DHX35: variants seen among roughly 807,000 people sequenced by gnomAD.
The protein encoded by DHX35 is DEAH-box helicase 35.
Under a neutral mutation model 99.6 loss-of-function variants are expected in DHX35, and 84 were observed. The observed-to-expected ratio is 0.84, with a 90% CI of 0.71 to 1.01. The LOEUF (loss-of-function observed/expected upper bound fraction) is 1.01, where lower values mean the gene tolerates loss of function less well. Ranked by LOEUF, DHX35 falls within the 50% of genes least tolerant of loss-of-function variation. The pLI, the probability that DHX35 is intolerant of heterozygous loss-of-function variation, is 0.00. For missense variants in DHX35, 852 were observed against 888.5 expected, an observed-to-expected ratio of 0.96 and a Z score of 0.52; for synonymous variants, 331 against 316.2, an observed-to-expected ratio of 1.05 and a Z score of -0.50.
chr20:39,018,842 A>T lies in DHX35; in HGVS notation c.1441A>T (p.Met481Leu). 1 of 1,614,026 alleles carries T rather than the reference A, an allele frequency of 6.2e-7. No individual in the cohort carries two copies. Among genetic ancestry groups the T allele is most frequent in the South Asian group, 1.1e-5 (1 of 91,080 alleles). ...KDCRLTEPLGMRIAEFPLNPM... is the reference protein window; with the variant it reads ...KDCRLTEPLGLRIAEFPLNPM... The stretch of plus-strand genomic sequence containing the variant: ...CTGTCGCCTAACTGAACCGCTTGGC[A>T]TGAGAATTGCAGAGTTTCCTTTGAA... Residue 481 changes from methionine (M) to leucine (L), a missense_variant, in exon 15 of 22, where the codon ATG becomes TTG. Physicochemically the swap from Met to Leu is conservative, Grantham distance 15. Transcript: ENST00000252011.
chr20:39,037,450 C>T (rs761451552), intron 21 of DHX35, among the ~76,000 whole-genome samples: 13 of 152,144 alleles, frequency 8.5e-5, no homozygotes, highest in South Asian at 2.1e-4. Context: ...CATTTATACC[C>T]GGGTCCTGTT....
chr20:39,004,867 A>C (rs77318179), intron 11 of DHX35, among the ~76,000 whole-genome samples: 21,104 of 152,128 alleles, frequency 0.14, 1,611 homozygotes, highest in East Asian at 0.3. Context: ...ATTTCAGACC[A>C]CCTGGAAGAG....
chr20:38,997,874 C>T (rs539179413), intron 8 of DHX35, among the ~76,000 whole-genome samples: 27 of 152,090 alleles, frequency 1.8e-4, no homozygotes, highest in Non-Finnish European at 3.5e-4. Context: ...GATCTAGAGG[C>T]GTAGGGAAGT....
Position 38,968,977 on chromosome 20 carries a change from G to C in DHX35, c.41-104G>C, listed in dbSNP as rs1315541110. ...ACCTTTGAGTAGTTTGAGATAAAAA[G>C]TATTGCTTCTTCTGTATATCTTCAT... On this transcript the variant is annotated intron_variant, in intron 1 of 21. Transcript: ENST00000252011. The C allele has an allele frequency of 2.3e-6, 3 of 1,307,844 alleles. No homozygotes were observed. The African/African-American group carries it at 4.5e-5, about 19-fold the overall frequency. The allele number at this position is 1,307,844 out of a possible 1,614,324, so 81.0% of individuals were successfully genotyped here.
chr20:38,994,588 GA>G (rs2086395010), intron 7 of DHX35, among the ~76,000 whole-genome samples: 1 of 148,230 alleles, frequency 6.7e-6, no homozygotes, highest in South Asian at 2.1e-4. Context: ...ATTTACTTTG[GA>G]AAATTGCATA....
rs772640350 is a variant in DHX35 at position 39,018,833 on chromosome 20, C to G, written c.1432C>G (p.Pro478Ala). 1.0e-4 allele frequency: 162 copies of G among 1,613,838 alleles called. No homozygotes were observed. Among genetic ancestry groups the G allele is most frequent in the Non-Finnish European group, 1.3e-4 (156 of 1,179,920 alleles). Residue 478 changes from proline (P) to alanine (A), a missense_variant, in exon 15 of 22, where the codon CCG (proline) becomes GCG (alanine). Physicochemically the swap from Pro to Ala is conservative, Grantham distance 27 (BLOSUM62 -1). Coordinates refer to ENST00000252011, the MANE Select transcript of DHX35 (RefSeq NM_021931.4). The stretch of plus-strand genomic sequence containing the variant: ...GGACAAAGACTGTCGCCTAACTGAA[C>G]CGCTTGGCATGAGAATTGCAGAGTT... ...GLDKDCRLTEPLGMRIAEFPL... is the reference protein window; with the variant it reads ...GLDKDCRLTEALGMRIAEFPL...
intron 2 of DHX35, among the ~76,000 whole-genome samples, chr20:38,972,076 T>C (rs2086009832): frequency 6.9e-6 from 1 of 145,694 alleles, no homozygotes; most frequent in Non-Finnish European, 1.5e-5. Context: ...TGGCATGGTC[T>C]CGCCTCACTG....
chr20:39,006,521 G>C (rs1398541925), intron 12 of DHX35, among the ~76,000 whole-genome samples, 165 bp downstream of exon 12: 1 of 152,110 alleles, frequency 6.6e-6, no homozygotes, highest in Non-Finnish European at 1.5e-5. Flanking sequence ...CTCTAAATAT[G>C]GTGTTTCTTT....
chr20:38,972,652 G>T lies in DHX35; in HGVS notation c.267+1G>T. 6.2e-7 allele frequency: 1 copy of T among 1,603,160 alleles called. No homozygotes were observed. The highest frequency in any genetic ancestry group is 8.5e-7 in the Non-Finnish European group (1 of 1,170,646). On this transcript the variant is annotated splice_donor_variant, in intron 3 of 21. Transcript: ENST00000252011. LOFTEE classifies it high-confidence loss of function. The stretch of plus-strand genomic sequence containing the variant: ...TGGGAAGAGCACACAGATTCCTCAG[G>T]TGAGTACATATTTAATAAGTGTCTT...
chr20:38,978,652 CTGTTGAT>C (rs2086120367), intron 3 of DHX35, among the ~76,000 whole-genome samples: 1 of 152,192 alleles, frequency 6.6e-6, no homozygotes, highest in Non-Finnish European at 1.5e-5. Flanking sequence ...TCTCTTCACT[CTGTTGAT>C]TGTTTTCATT....
At chr20:38,965,248 A>G (rs2145824863) in intron 1 of DHX35, among the ~76,000 whole-genome samples, 1 of 152,354 alleles carries the variant, frequency 6.6e-6, no homozygotes, top group Non-Finnish European at 1.5e-5. Context: ...TTTCATTTAC[A>G]CATCTTATTA....
At chr20:39,036,042 AAGC>A (rs2087145592) in intron 21 of DHX35, among the ~76,000 whole-genome samples, 1 of 152,214 alleles carries the variant, frequency 6.6e-6, no homozygotes, top group Non-Finnish European at 1.5e-5. Context: ...CTCAGGTGGA[AAGC>A]AGCAGACTTC....
chr20:39,005,473 AC>A (rs1215598035), intron 11 of DHX35, among the ~76,000 whole-genome samples: 4 of 152,230 alleles, frequency 2.6e-5, no homozygotes, highest in Admixed American at 2.0e-4. Context: ...TGCCTGGCCA[AC>A]AAAAGTAAAG....
At chr20:38,993,269 C>A (rs1376729478) in intron 7 of DHX35, among the ~76,000 whole-genome samples, 1 of 152,178 alleles carries the variant, frequency 6.6e-6, no homozygotes, top group South Asian at 2.1e-4. Flanking sequence ...CACTAGCCAC[C>A]TGTAGCTATT....
chr20:38,963,782 C>T (rs2085870278), intron 1 of DHX35, among the ~76,000 whole-genome samples: 1 of 152,180 alleles, frequency 6.6e-6, no homozygotes, highest in East Asian at 1.9e-4. Context: ...TACAGATGCT[C>T]AGGGCTCTGC....
Position 39,022,938 on chromosome 20 carries a change from G to T in DHX35, c.1594-752G>T, listed in dbSNP as rs73289340. Among the ~76,000 whole-genome samples, 419 of 152,304 alleles carry T rather than the reference G, an allele frequency of 2.8e-3. 1 individual carries two copies. Among genetic ancestry groups the T allele is most frequent in the African/African-American group, 9.7e-3 (403 of 41,556 alleles). ...AATTAGCAGCCTTATGCATGGAGGG[G>T]CTGAATTTGTATGTGTAATGAGGAG... On this transcript the variant is annotated intron_variant, in intron 16 of 21. Transcript: ENST00000252011.
At chr20:38,992,495 C>A in intron 7 of DHX35, 70 bp downstream of exon 7, 1 of 1,454,670 alleles carries the variant, frequency 6.9e-7, no homozygotes, top group Non-Finnish European at 9.7e-7. Flanking sequence ...GCAACTGTAG[C>A]AACTTGGAAA....
intron 3 of DHX35, chr20:38,977,700 A>T: frequency 5.3e-6 from 2 of 378,886 alleles, no homozygotes; most frequent in East Asian, 1.1e-4. Flanking sequence ...GAACAGCCAG[A>T]TATCAACTGT....
In DHX35 at chr20:39,021,904, T is replaced by C. The variant is rs371935285; in HGVS notation, c.1562T>C (p.Phe521Ser). 1.8e-4 allele frequency: 289 copies of C among 1,614,140 alleles called. 3 individuals are homozygous for C. The South Asian group carries it at 2.9e-3, about 16-fold the overall frequency. The change falls in exon 16 of 22, where the codon TTT (phenylalanine) becomes TCT (serine). Residue 521 changes from phenylalanine (F) to serine (S), a missense_variant. Transcript: ENST00000252011. ...GCCATGATGCAGATCCAGAATATCTTTGTGGTCCCCCCAAACCAGAAGTCT... is the reference window on the plus strand; with the variant it reads ...GCCATGATGCAGATCCAGAATATCTCTGTGGTCCCCCCAAACCAGAAGTCT... Reference protein sequence around the residue: ...IAAMMQIQNIFVVPPNQKSHA... With the variant: ...IAAMMQIQNISVVPPNQKSHA...
Sources: allele counts gnomAD v4.1 joint callset (sites outside exome capture counted in the v4.1 genomes callset), GRCh38; gene constraint gnomAD v4.1.1; transcripts MANE v1.5; gene names NCBI Gene and HGNC (gene_info 2026-07-23, HGNC 2026-07-21).